Variants in CAST observed in about 807,000 individuals in gnomAD.
The protein encoded by CAST is MIR583 host.
In CAST, 76 loss-of-function variants were observed where a neutral mutation model predicts 119.6. The observed-to-expected ratio is 0.64, with a 90% CI of 0.53 to 0.77. CAST has a LOEUF of 0.77. Among genes scored for constraint, CAST ranks in the 30% least tolerant of loss-of-function variants. The probability of loss-of-function intolerance (pLI) is 0.00; values close to 1 mark genes in which losing one functional copy is unlikely to be tolerated. For missense variants in CAST, 953 were observed against 946.5 expected (o/e 1.01, Z -0.09); for synonymous variants, 319 against 331.6 (o/e 0.96, Z 0.41).
At chr5:96,042,212 G>A in the CAST span, among the ~76,000 whole-genome samples, 3 of 152,152 alleles carry the variant, frequency 2.0e-5, no homozygotes, top group African/African-American at 4.8e-5. Flanking sequence ...GGACATTATA[G>A]AGCCCAGAAT....
chr5:96,198,416 C>G, the CAST span, among the ~76,000 whole-genome samples: 1 of 152,146 alleles, frequency 6.6e-6, no homozygotes, highest in Non-Finnish European at 1.5e-5. Context: ...TAGCTGCTCT[C>G]TGCTTCTCTG....
the CAST span, chr5:96,394,983 G>C: frequency 6.2e-7 from 1 of 1,613,954 alleles, no homozygotes; most frequent in East Asian, 2.2e-5. Context: ...TGCAAAATCA[G>C]CTTCCAGTTC....
chr5:96,074,267 G>A, the CAST span, among the ~76,000 whole-genome samples: 3 of 152,176 alleles, frequency 2.0e-5, no homozygotes, highest in Non-Finnish European at 2.9e-5. Context: ...CCTGGATAAT[G>A]TTCCTTCAAA....
chr5:96,316,864 T>C, the CAST span, among the ~76,000 whole-genome samples: 1 of 152,246 alleles, frequency 6.6e-6, no homozygotes, highest in Non-Finnish European at 1.5e-5. Context: ...TAAATCTGTT[T>C]CTAGTTTTAC....
At chr5:96,748,986 T>C (rs1256254090) in intron 19 of CAST, among the ~76,000 whole-genome samples, 1 of 152,184 alleles carries the variant, frequency 6.6e-6, no homozygotes, top group Non-Finnish European at 1.5e-5. Flanking sequence ...AGTTATGTCA[T>C]TCCTCTGCTT....
chr5:96,473,716 A>G, the CAST span, among the ~76,000 whole-genome samples: 1 of 152,226 alleles, frequency 6.6e-6, no homozygotes, highest in Non-Finnish European at 1.5e-5. Flanking sequence ...TCTCATGGCC[A>G]TTCAGTCTCT....
the CAST span, among the ~76,000 whole-genome samples, chr5:96,230,176 A>C: frequency 6.6e-6 from 1 of 152,090 alleles, no homozygotes; most frequent in African/African-American, 2.4e-5. Context: ...ACAGAGACTT[A>C]GGGTTTCTGA....
chr5:96,763,121 G>T, intron 25 of CAST: 1 of 779,288 alleles, frequency 1.3e-6, no homozygotes, highest in Admixed American at 1.7e-5. Context: ...TAACTTTAGC[G>T]AAGTCAGCTA....
the CAST span, among the ~76,000 whole-genome samples, chr5:96,286,468 G>C: frequency 1.3e-5 from 2 of 152,126 alleles, no homozygotes; most frequent in African/African-American, 4.8e-5. Flanking sequence ...TCAATAGAAT[G>C]TTTTATAAGA....
At chr5:96,516,699 T>C in the CAST span, among the ~76,000 whole-genome samples, 1 of 152,358 alleles carries the variant, frequency 6.6e-6, no homozygotes, top group East Asian at 1.9e-4. Flanking sequence ...AGAATGTGTA[T>C]GATTAAGTCA....
chr5:96,139,493 C>CAT, the CAST span, among the ~76,000 whole-genome samples: 2,740 of 146,330 alleles, frequency 0.019, 94 homozygotes, highest in African/African-American at 0.066. Flanking sequence ...GTCCTTGTAA[C>CAT]ATATATATAT....
chr5:96,439,812 T>C, the CAST span, among the ~76,000 whole-genome samples: 1 of 152,160 alleles, frequency 6.6e-6, no homozygotes, highest in Non-Finnish European at 1.5e-5. Context: ...TGCTTGTTGT[T>C]TAAAATAATA....
the CAST span, among the ~76,000 whole-genome samples, chr5:96,156,730 T>C: frequency 6.6e-6 from 1 of 152,208 alleles, no homozygotes; most frequent in Admixed American, 6.5e-5. Flanking sequence ...AACATAATCA[T>C]GGACTAGATA....
the CAST span, among the ~76,000 whole-genome samples, chr5:96,254,209 T>C: frequency 1.3e-5 from 2 of 152,132 alleles, no homozygotes; most frequent in South Asian, 4.1e-4. Context: ...AGTTGCTTCA[T>C]GGAAATATTC....
intron 1 of CAST, among the ~76,000 whole-genome samples, chr5:96,552,560 G>A (rs779176948): frequency 5.1e-4 from 77 of 151,932 alleles, no homozygotes; most frequent in Admixed American, 2.1e-3. Flanking sequence ...ACAAGAAATA[G>A]CTAAGATCAG....
In CAST at chr5:96,757,625, T is replaced by C; in HGVS notation, c.1804T>C (p.Phe602Leu). The C allele has an allele frequency of 6.2e-7, 1 of 1,613,606 alleles. No individual in the cohort carries two copies. Among genetic ancestry groups the C allele is most frequent in the Non-Finnish European group, 8.5e-7 (1 of 1,179,508 alleles). ...DFLLDALSEDFSGPQNASSLK... is the reference protein window; with the variant it reads ...DFLLDALSEDLSGPQNASSLK... Reference sequence around the variant, plus strand: ...CCTTCTGGATGCTTTGTCTGAGGACTTCTCTGGTCCACAAAATGCTTCATC... The same window carrying C: ...CCTTCTGGATGCTTTGTCTGAGGACCTCTCTGGTCCACAAAATGCTTCATC... Residue 602 changes from phenylalanine (F) to leucine (L), a missense_variant, in exon 24 of 32, where the codon TTC becomes CTC. Transcript: ENST00000675179.
the CAST span, among the ~76,000 whole-genome samples, chr5:96,420,206 G>A: frequency 6.6e-6 from 1 of 152,180 alleles, no homozygotes; most frequent in Non-Finnish European, 1.5e-5. Flanking sequence ...CCAGTTTAGG[G>A]GAAGAAAATG....
chr5:96,328,092 TG>T, the CAST span, among the ~76,000 whole-genome samples: 1 of 152,246 alleles, frequency 6.6e-6, no homozygotes, highest in Non-Finnish European at 1.5e-5. Flanking sequence ...TTTATTCTTT[TG>T]CTGCTTTCAT....
intron 1 of CAST, among the ~76,000 whole-genome samples, chr5:96,550,649 A>G (rs2150182075): frequency 6.6e-6 from 1 of 152,338 alleles, no homozygotes; most frequent in South Asian, 2.1e-4. Flanking sequence ...AAACCATCTC[A>G]AGGAAGCTAA....
Sources: gnomAD v4.1 joint callset for allele counts (sites outside exome capture counted in the v4.1 genomes callset) on GRCh38, gnomAD v4.1.1 for gene constraint, MANE v1.5 for transcripts, NCBI Gene and HGNC (gene_info 2026-07-23, HGNC 2026-07-21) for gene names.